The following MECOM variants were observed in gnomAD, a reference collection of about 807,000 sequenced individuals.
The protein encoded by MECOM is MDS1 and EVI1 complex locus.
MECOM carries 13 observed loss-of-function variants against 116.3 expected under a neutral mutation model. That is an observed-to-expected ratio of 0.11 (90% CI 0.07 to 0.18). The LOEUF is 0.18. MECOM is among the 10% of genes least tolerant of loss of function. The probability of loss-of-function intolerance (pLI) is 1.00; values close to 1 mark genes in which losing one functional copy is unlikely to be tolerated. For missense variants in MECOM, 1,299 were observed against 1,509.0 expected (o/e 0.86, Z 2.31); for synonymous variants, 528 against 535.2 (o/e 0.99, Z 0.19).
chr3:169,264,623 G>GT (rs1353300302), intron 2 of MECOM, among the ~76,000 whole-genome samples: 1 of 152,132 alleles, frequency 6.6e-6, no homozygotes, highest in Non-Finnish European at 1.5e-5. Flanking sequence ...ATACAGAGAA[G>GT]TTGACATACC....
intron 1 of MECOM, among the ~76,000 whole-genome samples, chr3:169,644,079 T>C (rs1773835613): frequency 6.6e-6 from 1 of 152,180 alleles, no homozygotes; most frequent in Non-Finnish European, 1.5e-5. Context: ...TTCTTTAGTT[T>C]ATCATATAGT....
At chr3:169,659,153 A>C (rs1006717388) in intron 1 of MECOM, among the ~76,000 whole-genome samples, 1 of 151,796 alleles carries the variant, frequency 6.6e-6, no homozygotes. Context: ...CTAGTCCTAC[A>C]TGTTGAATGT....
At chr3:169,160,328 G>C (rs1054863686) in intron 2 of MECOM, among the ~76,000 whole-genome samples, 2 of 151,708 alleles carry the variant, frequency 1.3e-5, no homozygotes, top group Non-Finnish European at 2.9e-5. Context: ...AGAAAAATAA[G>C]AATCTTCAAA....
At chr3:169,441,706 A>G (rs78337088) in intron 1 of MECOM, among the ~76,000 whole-genome samples, 1,894 of 149,394 alleles carry the variant, frequency 0.013, 40 homozygotes, top group African/African-American at 0.044. Flanking sequence ...TTTTTTAGCT[A>G]TGTTACACTT....
intron 1 of MECOM, chr3:169,466,947 G>T (rs1748408896): frequency 6.6e-6 from 1 of 152,130 alleles, no homozygotes; most frequent in Non-Finnish European, 1.5e-5. Flanking sequence ...TTTTCAAAAA[G>T]CTTCTGGGTT....
intron 1 of MECOM, among the ~76,000 whole-genome samples, chr3:169,461,434 T>C (rs1252217193): frequency 1.3e-5 from 2 of 152,186 alleles, no homozygotes; most frequent in African/African-American, 4.8e-5. Flanking sequence ...TCTAGAATTT[T>C]AGGACTGCAA....
Position 169,115,769 on chromosome 3 carries a change from T to C in MECOM, c.2103A>G (p.Pro701=). Residue 701 remains proline, a synonymous_variant, in exon 8 of 17, where the codon CCA becomes CCG. Transcript: ENST00000651503. ...YPSMFPLPFF[P]AFSQSMYPFP... ...ATGGGTACATTGATTGAGAGAATGC[T>C]GGAAAAAATGGGAGGGGAAACATGG... 1 of 1,614,128 alleles carries C rather than the reference T, an allele frequency of 6.2e-7. No individual in the cohort carries two copies. Among genetic ancestry groups the C allele is most frequent in the Non-Finnish European group, 8.5e-7 (1 of 1,180,002 alleles).
At chr3:169,168,195 G>A (rs1224490391) in intron 2 of MECOM, among the ~76,000 whole-genome samples, 1 of 151,902 alleles carries the variant, frequency 6.6e-6, no homozygotes, top group Non-Finnish European at 1.5e-5. Flanking sequence ...AGTATAATCT[G>A]TTTTTTGTTG....
rs767195566 is a variant in MECOM at position 169,090,072 on chromosome 3, T to C, written c.3329A>G (p.His1110Arg). The change falls in exon 15 of 17, where the codon CAT becomes CGT. Residue 1110 changes from histidine to arginine, a missense_variant. His to Arg is a conservative substitution (Grantham distance 29, BLOSUM62 0). Coordinates refer to ENST00000651503, the MANE Select transcript of MECOM (RefSeq NM_004991.4). ...TGKEPVTSNL[H>R]EGNPEDDYEE... ...ATAGTCATCCTCAGGGTTTCCTTCATGTAAATTACTTGTCACTGGTTCCTT... is the reference window on the plus strand; with the variant it reads ...ATAGTCATCCTCAGGGTTTCCTTCACGTAAATTACTTGTCACTGGTTCCTT... The C allele has an allele frequency of 3.5e-5, 56 of 1,613,584 alleles. 1 individual carries two copies. In the South Asian group the frequency reaches 5.9e-4, roughly 17 times the overall value.
chr3:169,128,210 G>T (rs1188184667), intron 4 of MECOM, 150 bp from the exon 5 acceptor site: 2 of 698,872 alleles, frequency 2.9e-6, no homozygotes, highest in Admixed American at 2.3e-5. Context: ...AATATCATAT[G>T]TAAAGAACCA....
chr3:169,366,028 G>A (rs1274627660), intron 2 of MECOM, among the ~76,000 whole-genome samples: 1 of 152,024 alleles, frequency 6.6e-6, no homozygotes, highest in African/African-American at 2.4e-5. Flanking sequence ...GCTCTACACT[G>A]CTGACTTAGA....
At chr3:169,430,198 T>C (rs1346317749) in intron 1 of MECOM, among the ~76,000 whole-genome samples, 1 of 152,158 alleles carries the variant, frequency 6.6e-6, no homozygotes, top group Admixed American at 6.6e-5. Context: ...AAATGTTATA[T>C]AGCTATAAAA....
In MECOM at chr3:169,611,542, G is replaced by T. The variant is rs1769277004; in HGVS notation, c.37+51794C>A. Among the ~76,000 whole-genome samples the T allele has an allele frequency of 6.6e-6, 1 of 152,164 alleles. No individual in the cohort carries two copies. Among genetic ancestry groups the T allele is most frequent in the Non-Finnish European group, 1.5e-5 (1 of 68,030 alleles). ...GTTTCATAAGCTTCAGTTTTTAGTT[G>T]CACGTAGTAGCATACAAACAATGGC... On this transcript the variant is annotated intron_variant, in intron 1 of 16. Transcript: ENST00000651503. The surrounding 1 kb of genome is among the most constrained non-coding windows in gnomAD (Gnocchi z 4.1).
intron 2 of MECOM, among the ~76,000 whole-genome samples, chr3:169,211,798 G>A (rs997220971): frequency 1.3e-5 from 2 of 152,106 alleles, no homozygotes; most frequent in African/African-American, 4.8e-5. Flanking sequence ...GACCTCACTA[G>A]ACAAAAGTCC....
intron 1 of MECOM, among the ~76,000 whole-genome samples, chr3:169,533,882 G>A (rs144377144): frequency 1.3e-3 from 195 of 152,190 alleles, no homozygotes; most frequent in African/African-American, 4.5e-3. Flanking sequence ...CTTGGCAAAA[G>A]GAAGAGTTTT....
chr3:169,390,435 C>T (rs571335015), intron 1 of MECOM, among the ~76,000 whole-genome samples: 1 of 152,260 alleles, frequency 6.6e-6, no homozygotes, highest in Non-Finnish European at 1.5e-5. Context: ...GTAGACTGCC[C>T]TCTGGTGAGG....
chr3:169,469,273 C>A (rs890911924), intron 1 of MECOM, among the ~76,000 whole-genome samples: 1 of 152,058 alleles, frequency 6.6e-6, no homozygotes, highest in Non-Finnish European at 1.5e-5. Flanking sequence ...AAGAAAGATA[C>A]AAATGTGTGG....
chr3:169,645,958 G>A (rs1422493391), intron 1 of MECOM, among the ~76,000 whole-genome samples: 2 of 152,018 alleles, frequency 1.3e-5, no homozygotes, highest in African/African-American at 4.8e-5. Flanking sequence ...ATTCTATGCA[G>A]CCATATTTGA....
intron 2 of MECOM, among the ~76,000 whole-genome samples, chr3:169,362,915 T>G (rs1728539726): frequency 6.6e-6 from 1 of 151,988 alleles, no homozygotes; most frequent in African/African-American, 2.4e-5. Flanking sequence ...CACATTTAAC[T>G]AGCACATTTC....
Sources: allele counts gnomAD v4.1 joint callset (sites outside exome capture counted in the v4.1 genomes callset), GRCh38; gene constraint gnomAD v4.1.1; non-coding constraint Gnocchi (gnomAD v3.1); transcripts MANE v1.5; gene names NCBI Gene and HGNC (gene_info 2026-07-23, HGNC 2026-07-21).